UQCC1: variants seen among roughly 807,000 people sequenced by gnomAD.
UQCC1 encodes the protein ubiquinol-cytochrome c reductase complex assembly factor 1.
Under a neutral mutation model 48.0 loss-of-function variants are expected in UQCC1, and 38 were observed. The observed-to-expected ratio is 0.79, with a 90% confidence interval of 0.61 to 1.04. The LOEUF (loss-of-function observed/expected upper bound fraction) is 1.04, where lower values mean the gene tolerates loss of function less well. UQCC1 is among the 50% of genes least tolerant of loss of function. UQCC1 has a pLI of 0.00. For missense variants in UQCC1, 368 were observed against 381.8 expected (o/e 0.96, Z 0.30); for synonymous variants, 111 against 129.2 (o/e 0.86, Z 0.95).
At position 35,375,947 on chromosome 20, in the gene UQCC1, T is replaced by TA. The variant is rs11367331; in HGVS notation, c.334-1692dup. Among the ~76,000 whole-genome samples, 197 of 64,710 alleles carry TA rather than the reference T, an allele frequency of 3.0e-3. 4 individuals are homozygous for TA. Among genetic ancestry groups the TA allele is most frequent in the Middle Eastern group, 0.015 (1 of 66 alleles). The allele number at this position is 64,710 out of a possible 152,430, so 42.5% of individuals were successfully genotyped here. On this transcript the variant is annotated intron_variant, in intron 4 of 9. Transcript: ENST00000374385. ...CTGGGTGACAGAGCTGGACCTTGCCTAAAAAAAAAAAAAAAAAAAAAAGGA... is the reference window on the plus strand; with the variant it reads ...CTGGGTGACAGAGCTGGACCTTGCCTAAAAAAAAAAAAAAAAAAAAAAAGGA...
Position 35,409,023 on chromosome 20 carries a change from G to A in UQCC1, c.24+2917C>T, listed in dbSNP as rs141186754. Among the ~76,000 whole-genome samples, 571 of 152,310 alleles carry A rather than the reference G, an allele frequency of 3.7e-3. 1 individual carries two copies. The highest frequency in any genetic ancestry group is 6.4e-3 in the Non-Finnish European group (437 of 68,032). On this transcript the variant is annotated intron_variant, in intron 1 of 9. Transcript: ENST00000374385. ...CACGGAGACAGAAAGTAGAATGGTG[G>A]CTGCCAGGGGCTGGGGAGAAAAGAC...
At chr20:35,351,972 G>T (rs536560119) in intron 6 of UQCC1, among the ~76,000 whole-genome samples, 6 of 152,362 alleles carry the variant, frequency 3.9e-5, no homozygotes, top group African/African-American at 1.4e-4. Context: ...CTAGAACCCA[G>T]CTTTTATGGA....
chr20:35,331,831 T>C (rs990003679), intron 7 of UQCC1, among the ~76,000 whole-genome samples: 4 of 152,198 alleles, frequency 2.6e-5, no homozygotes, highest in African/African-American at 9.7e-5. Flanking sequence ...CTTCAAGATA[T>C]GACAGCTTAT....
rs763289313 is a variant in UQCC1 at position 35,306,837 on chromosome 20, C to T, written c.652-58G>A. ...GGGATCCACAGAGCCAGGACACAGA[C>T]GGTGGGGATACTATGAACATGCTAG... On this transcript the variant is annotated intron_variant, in intron 8 of 9. Coordinates refer to ENST00000374385, the MANE Select transcript of UQCC1 (RefSeq NM_018244.5). 35 of 1,336,772 alleles carry T rather than the reference C, an allele frequency of 2.6e-5. 1 individual carries two copies. Among genetic ancestry groups the T allele is most frequent in the South Asian group, 2.1e-4 (18 of 85,504 alleles). The allele number at this position is 1,336,772 out of a possible 1,614,324, so 82.8% of individuals were successfully genotyped here.
chr20:35,344,287 GTGA>G (rs1261691383), intron 7 of UQCC1: 2 of 152,420 alleles, frequency 1.3e-5, no homozygotes, highest in Non-Finnish European at 2.9e-5. Context: ...GTTGACAACT[GTGA>G]TGAAGAGAGA....
intron 1 of UQCC1, among the ~76,000 whole-genome samples, 163 bp from the exon 2 acceptor site, chr20:35,394,359 A>AG (rs2062049534): frequency 6.6e-6 from 1 of 152,168 alleles, no homozygotes; most frequent in Non-Finnish European, 1.5e-5. Flanking sequence ...TTTCTGAGTG[A>AG]GGGGGGTGTC....
intron 7 of UQCC1, among the ~76,000 whole-genome samples, chr20:35,316,017 G>A (rs2061054100): frequency 6.6e-6 from 1 of 152,120 alleles, no homozygotes; most frequent in East Asian, 1.9e-4. Context: ...AGTGCAGTTC[G>A]CTGAATGCCT....
chr20:35,368,380 T>C (rs757465473), intron 5 of UQCC1, among the ~76,000 whole-genome samples: 6 of 152,128 alleles, frequency 3.9e-5, no homozygotes, highest in Non-Finnish European at 8.8e-5. Flanking sequence ...TTATCCCAAA[T>C]TGACAGGTAA....
In UQCC1 at chr20:35,303,756, A is replaced by G; in HGVS notation, c.*179T>C. The G allele has an allele frequency of 2.4e-6, 2 of 844,898 alleles. No individual in the cohort carries two copies. Among genetic ancestry groups the G allele is most frequent in the Non-Finnish European group, 3.7e-6 (2 of 541,542 alleles). The allele number at this position is 844,898 out of a possible 1,614,324, so 52.3% of individuals were successfully genotyped here. On this transcript the variant is annotated 3_prime_UTR_variant, in exon 10 of 10. Transcript: ENST00000374385. Reference sequence around the variant, plus strand: ...AGGGGTTCTCCCAGCCCTGTACCCCAGCAGATCAGACTCCTGGGCACACTA... The same window carrying G: ...AGGGGTTCTCCCAGCCCTGTACCCCGGCAGATCAGACTCCTGGGCACACTA...
intron 7 of UQCC1, among the ~76,000 whole-genome samples, chr20:35,329,823 C>G (rs974016839): frequency 1.3e-5 from 2 of 152,172 alleles, no homozygotes; most frequent in African/African-American, 4.8e-5. Flanking sequence ...CCCAAGAGCT[C>G]GTCACAGTGC....
intron 7 of UQCC1, among the ~76,000 whole-genome samples, chr20:35,315,999 G>A (rs1277099851): frequency 5.3e-5 from 8 of 152,208 alleles, no homozygotes; most frequent in Non-Finnish European, 8.8e-5. Context: ...AGGATCTTCA[G>A]GGCCCAGAGT....
At chr20:35,319,454 CATGAGTT>C (rs1332386776) in intron 7 of UQCC1, among the ~76,000 whole-genome samples, 1 of 152,098 alleles carries the variant, frequency 6.6e-6, no homozygotes, top group Non-Finnish European at 1.5e-5. Context: ...AAACAAAGTC[CATGAGTT>C]ATAATATATT....
At chr20:35,315,640 G>A (rs1007050851) in intron 7 of UQCC1, among the ~76,000 whole-genome samples, 1 of 152,220 alleles carries the variant, frequency 6.6e-6, no homozygotes, top group African/African-American at 2.4e-5. Context: ...TGTAATCCCA[G>A]CACTTTGGGA....
intron 7 of UQCC1, among the ~76,000 whole-genome samples, chr20:35,343,662 T>C (rs773924588): frequency 1.3e-5 from 2 of 152,250 alleles, no homozygotes; most frequent in African/African-American, 2.4e-5. Context: ...CCTTTAGTTA[T>C]AGTCTTTGTA....
intron 1 of UQCC1, chr20:35,409,446 C>A (rs575799340): frequency 2.9e-5 from 5 of 170,550 alleles, no homozygotes; most frequent in Non-Finnish European, 2.5e-5. Context: ...CTCCAGCTTG[C>A]GCAACAAGAG....
intron 2 of UQCC1, among the ~76,000 whole-genome samples, chr20:35,393,827 A>G (rs545997675): frequency 1.3e-5 from 2 of 152,252 alleles, no homozygotes; most frequent in East Asian, 3.9e-4. Context: ...TAACTCGGAG[A>G]TGAATATCTG....
At chr20:35,337,433 C>T (rs928444445) in intron 7 of UQCC1, among the ~76,000 whole-genome samples, 13 of 152,102 alleles carry the variant, frequency 8.5e-5, no homozygotes, top group African/African-American at 2.9e-4. Context: ...ATGATCCACT[C>T]GCCTCGGCCT....
intron 8 of UQCC1, among the ~76,000 whole-genome samples, chr20:35,307,714 G>T (rs2060944525): frequency 6.6e-6 from 1 of 152,138 alleles, no homozygotes; most frequent in African/African-American, 2.4e-5. Flanking sequence ...CTAAACCAAA[G>T]TCTCAATCTT....
In UQCC1 at chr20:35,314,738, T is replaced by C. The variant is rs1376313849; in HGVS notation, c.601A>G (p.Met201Val). The stretch of plus-strand genomic sequence containing the variant: ...TAGAAATGATTTGTCATGAGGATCA[T>C]GTTCTTCTTCAGGATATAGGGATTA... ...GVNPYILKKN[M>V]ILMTNHFYAA... The change falls in exon 8 of 10, where the codon ATG (methionine) becomes GTG (valine). Residue 201 changes from methionine to valine, a missense_variant. Transcript: ENST00000374385. 1.9e-6 allele frequency: 3 copies of C among 1,608,496 alleles called. No individual in the cohort carries two copies. Among genetic ancestry groups the C allele is most frequent in the Non-Finnish European group, 1.7e-6 (2 of 1,175,760 alleles).
Sources: allele counts gnomAD v4.1 joint callset (sites outside exome capture counted in the v4.1 genomes callset), GRCh38; gene constraint gnomAD v4.1.1; transcripts MANE v1.5; gene names NCBI Gene and HGNC (gene_info 2026-07-23, HGNC 2026-07-21).